Variants in FAM83B observed in about 807,000 individuals in gnomAD.
FAM83B encodes scaffolding CK1 anchoring protein B.
In FAM83B, 26 loss-of-function variants were observed where a neutral mutation model predicts 38.8. That is an observed-to-expected ratio of 0.67 (90% CI 0.49 to 0.93). The LOEUF is 0.93. FAM83B is among the 40% of genes least tolerant of loss of function. The probability of loss-of-function intolerance (pLI) is 0.00; values close to 1 mark genes in which losing one functional copy is unlikely to be tolerated. For missense variants in FAM83B, 1,237 were observed against 1,197.3 expected (o/e 1.03, Z -0.49); for synonymous variants, 419 against 423.1 (o/e 0.99, Z 0.12).
chr6:54,926,255 A>G (rs1773283266), intron 2 of FAM83B, 116 bp from the exon 3 acceptor site: 1 of 512,736 alleles, frequency 2.0e-6, no homozygotes, highest in African/African-American at 1.9e-5. Flanking sequence ...TTGTATATAC[A>G]TACATATATG....
At chr6:54,879,061 G>T (rs907678156) in intron 2 of FAM83B, among the ~76,000 whole-genome samples, 1 of 152,192 alleles carries the variant, frequency 6.6e-6, no homozygotes, top group African/African-American at 2.4e-5. Flanking sequence ...AGGCCCCAAA[G>T]TTGGGATCAG....
intron 2 of FAM83B, among the ~76,000 whole-genome samples, chr6:54,921,018 T>TGTTA (rs1415457564): frequency 1.3e-5 from 2 of 152,016 alleles, no homozygotes; most frequent in African/African-American, 4.8e-5. Context: ...TTTAACTTTA[T>TGTTA]GTTAATTCAA....
At chr6:54,891,688 C>G (rs1772406295) in intron 2 of FAM83B, among the ~76,000 whole-genome samples, 1 of 152,116 alleles carries the variant, frequency 6.6e-6, no homozygotes, top group Admixed American at 6.6e-5. Context: ...TTTTTCTCAT[C>G]CTCTCTCTCT....
intron 2 of FAM83B, among the ~76,000 whole-genome samples, chr6:54,922,580 TCTGG>T (rs888791249): frequency 8.5e-5 from 13 of 152,098 alleles, no homozygotes; most frequent in African/African-American, 2.9e-4. Context: ...TCTCCCTTCA[TCTGG>T]CTCCTCATAC....
intron 2 of FAM83B, among the ~76,000 whole-genome samples, chr6:54,899,373 G>A (rs1772607066): frequency 6.6e-6 from 1 of 152,136 alleles, no homozygotes; most frequent in Non-Finnish European, 1.5e-5. Flanking sequence ...TGTAGTAAAT[G>A]TAGCAACTCT....
At chr6:54,916,104 C>G (rs1183159898) in intron 2 of FAM83B, among the ~76,000 whole-genome samples, 1 of 152,126 alleles carries the variant, frequency 6.6e-6, no homozygotes, top group East Asian at 1.9e-4. Flanking sequence ...TGCTGTAGTG[C>G]TGCTTTGCCG....
chr6:54,887,180 TTTA>T (rs1248659007), intron 2 of FAM83B, among the ~76,000 whole-genome samples: 1 of 83,940 alleles, frequency 1.2e-5, no homozygotes, highest in East Asian at 9.3e-4. Flanking sequence ...ACAACATGAC[TTTA>T]GAACTTCATG....
At chr6:54,862,184 T>A (rs1771601056) in intron 1 of FAM83B, among the ~76,000 whole-genome samples, 1 of 152,168 alleles carries the variant, frequency 6.6e-6, no homozygotes, top group Non-Finnish European at 1.5e-5. Context: ...TAATAGAGGA[T>A]TAGTAGAAAC....
At chr6:54,882,825 C>A (rs1358626352) in intron 2 of FAM83B, among the ~76,000 whole-genome samples, 1 of 152,166 alleles carries the variant, frequency 6.6e-6, no homozygotes, top group Non-Finnish European at 1.5e-5. Context: ...CAACTTTTTG[C>A]CTCCAATTCA....
intron 1 of FAM83B, among the ~76,000 whole-genome samples, chr6:54,852,479 G>A (rs985111368): frequency 6.6e-6 from 1 of 152,168 alleles, no homozygotes. Flanking sequence ...TGTTCTGACT[G>A]CTCCACCAAC....
intron 1 of FAM83B, among the ~76,000 whole-genome samples, chr6:54,847,555 G>A (rs1021667460): frequency 5.9e-5 from 9 of 152,092 alleles, no homozygotes; most frequent in Non-Finnish European, 1.3e-4. Context: ...TCTAGAAGAG[G>A]AGAGTAGGCC....
intron 2 of FAM83B, among the ~76,000 whole-genome samples, chr6:54,918,173 T>A (rs1773089476): frequency 6.6e-6 from 1 of 152,292 alleles, no homozygotes; most frequent in East Asian, 1.9e-4. Context: ...TAACATACAC[T>A]TTGAAAAATT....
intron 1 of FAM83B, among the ~76,000 whole-genome samples, chr6:54,860,652 A>C (rs1185073334): frequency 3.9e-5 from 6 of 152,222 alleles, no homozygotes; most frequent in Non-Finnish European, 8.8e-5. Flanking sequence ...TGTCACATTC[A>C]ACCAAGGCGT....
chr6:54,894,784 A>T (rs1021988600), intron 2 of FAM83B, among the ~76,000 whole-genome samples: 3 of 152,126 alleles, frequency 2.0e-5, no homozygotes, highest in African/African-American at 4.8e-5. Flanking sequence ...AAAACTTAGA[A>T]GCAGGGACAA....
intron 4 of FAM83B, among the ~76,000 whole-genome samples, chr6:54,936,610 T>G (rs1224800503): frequency 6.6e-6 from 1 of 151,532 alleles, no homozygotes; most frequent in Non-Finnish European, 1.5e-5. Flanking sequence ...TTATATGGCT[T>G]CTTTGCTCCA....
At chr6:54,915,836 A>AAAAAAAAAAAAC (rs1773024766) in intron 2 of FAM83B, among the ~76,000 whole-genome samples, 1 of 89,910 alleles carries the variant, frequency 1.1e-5, no homozygotes, top group African/African-American at 7.6e-5. Flanking sequence ...AAAAAAAAAA[A>AAAAAAAAAAAAC]AGAAACTCAC....
At chr6:54,886,145 G>C (rs1011216366) in intron 2 of FAM83B, among the ~76,000 whole-genome samples, 7 of 152,052 alleles carry the variant, frequency 4.6e-5, no homozygotes, top group African/African-American at 1.7e-4. Context: ...ATTTGAATTA[G>C]TTGTGATATT....
intron 1 of FAM83B, among the ~76,000 whole-genome samples, chr6:54,853,383 A>G (rs2127571526): frequency 6.6e-6 from 1 of 152,322 alleles, no homozygotes; most frequent in African/African-American, 2.4e-5. Context: ...TTTCAGAGCT[A>G]GAGAGGGGAA....
intron 2 of FAM83B, among the ~76,000 whole-genome samples, chr6:54,876,783 A>G (rs1772008135): frequency 6.6e-6 from 1 of 152,126 alleles, no homozygotes; most frequent in African/African-American, 2.4e-5. Context: ...CATGGTGTGT[A>G]TAGTCCTCTG....
Sources: gnomAD v4.1 joint callset for allele counts (sites outside exome capture counted in the v4.1 genomes callset) on GRCh38, gnomAD v4.1.1 for gene constraint, MANE v1.5 for transcripts, NCBI Gene and HGNC (gene_info 2026-07-23, HGNC 2026-07-21) for gene names.